ANGPT1: variants seen among roughly 807,000 people sequenced by gnomAD.
The protein encoded by ANGPT1 is angiopoietin-1.
A neutral mutation model predicts 62.2 loss-of-function variants in ANGPT1; 17 were observed. That is an observed-to-expected ratio of 0.27 (90% CI 0.19 to 0.41). The LOEUF (loss-of-function observed/expected upper bound fraction) is 0.41, where lower values mean the gene tolerates loss of function less well. ANGPT1 is among the 10% of genes least tolerant of loss of function. The probability of loss-of-function intolerance (pLI) is 1.00; values close to 1 mark genes in which losing one functional copy is unlikely to be tolerated. For missense variants in ANGPT1, 478 were observed against 594.9 expected (o/e 0.80, Z 2.04); for synonymous variants, 199 against 198.9 (o/e 1.00, Z 0.00).
chr8:107,409,680 T>A (rs1429438470), intron 1 of ANGPT1, among the ~76,000 whole-genome samples: 2 of 152,178 alleles, frequency 1.3e-5, no homozygotes, highest in Middle Eastern at 3.4e-3. Flanking sequence ...TGAACATATA[T>A]TTGCATTTTA....
At chr8:107,460,488 G>A (rs767357602) in intron 1 of ANGPT1, among the ~76,000 whole-genome samples, 8 of 152,134 alleles carry the variant, frequency 5.3e-5, no homozygotes, top group Admixed American at 2.0e-4. Context: ...ATCTGTGCAC[G>A]TATAGATGAG....
At chr8:107,480,704 A>G (rs535296951) in intron 1 of ANGPT1, among the ~76,000 whole-genome samples, 1 of 152,322 alleles carries the variant, frequency 6.6e-6, no homozygotes, top group Non-Finnish European at 1.5e-5. Context: ...TTTCCACTCA[A>G]CTTCATGGGT....
intron 7 of ANGPT1, chr8:107,284,100 T>C (rs918324181): frequency 6.6e-6 from 1 of 152,228 alleles, no homozygotes; most frequent in South Asian, 2.1e-4. Flanking sequence ...GTATAGTTTA[T>C]CTATTTTTAC....
intron 4 of ANGPT1, among the ~76,000 whole-genome samples, chr8:107,313,429 GTTTTTTTTTTTTTTTT>G (rs71308720): frequency 4.7e-5 from 3 of 64,184 alleles, no homozygotes; most frequent in Non-Finnish European, 8.0e-5. Context: ...GTTACTAGTT[GTTTTTTTTTTTTTTTT>G]TTTTTTTTTT....
intron 1 of ANGPT1, among the ~76,000 whole-genome samples, chr8:107,396,934 CTCCTT>C (rs1330638003): frequency 6.6e-6 from 1 of 152,018 alleles, no homozygotes; most frequent in Non-Finnish European, 1.5e-5. Flanking sequence ...TTCAGCAACT[CTCCTT>C]TCTATCTAGT....
chr8:107,277,222 A>G (rs1813887711), intron 7 of ANGPT1, among the ~76,000 whole-genome samples: 1 of 152,180 alleles, frequency 6.6e-6, no homozygotes, highest in African/African-American at 2.4e-5. Context: ...CATAAAAGAC[A>G]ACAAAATAAT....
chr8:107,355,196 C>G (rs558942492), intron 1 of ANGPT1, among the ~76,000 whole-genome samples: 34 of 152,284 alleles, frequency 2.2e-4, no homozygotes, highest in African/African-American at 7.7e-4. Flanking sequence ...GCCACTGTGC[C>G]TCGCCCTCTG....
intron 1 of ANGPT1, 32 bp downstream of exon 1, chr8:107,497,230 C>T (rs936594823): frequency 8.1e-6 from 13 of 1,601,450 alleles, no homozygotes; most frequent in Non-Finnish European, 9.4e-6. Flanking sequence ...GAAAAAGGTC[C>T]GTGCTATTAG....
intron 6 of ANGPT1, among the ~76,000 whole-genome samples, chr8:107,291,790 G>C (rs1315453328): frequency 1.4e-5 from 2 of 147,724 alleles, no homozygotes; most frequent in African/African-American, 5.0e-5. Context: ...TATATTTTTA[G>C]AATCACCTAG....
At chr8:107,268,518 T>C (rs75362516) in intron 7 of ANGPT1, among the ~76,000 whole-genome samples, 252 of 151,692 alleles carry the variant, frequency 1.7e-3, no homozygotes, top group Middle Eastern at 3.4e-3. Flanking sequence ...GACTCCAGAA[T>C]ATAAAAACAT....
chr8:107,337,902 C>T (rs1815604057), intron 2 of ANGPT1, among the ~76,000 whole-genome samples: 1 of 152,020 alleles, frequency 6.6e-6, no homozygotes, highest in African/African-American at 2.4e-5. Flanking sequence ...CAAGGCCAGC[C>T]TGGGTAACAC....
At chr8:107,434,282 G>A (rs952233598) in intron 1 of ANGPT1, among the ~76,000 whole-genome samples, 10 of 152,278 alleles carry the variant, frequency 6.6e-5, no homozygotes, top group South Asian at 2.1e-4. Context: ...TAGGCCGGGC[G>A]GGAAAGTGGG....
chr8:107,401,114 G>C (rs962392754), intron 1 of ANGPT1, among the ~76,000 whole-genome samples: 1 of 152,038 alleles, frequency 6.6e-6, no homozygotes. Flanking sequence ...ATAGCGTTTT[G>C]AGTCCATAGA....
intron 7 of ANGPT1, among the ~76,000 whole-genome samples, chr8:107,267,736 C>T (rs1813647217): frequency 6.6e-6 from 1 of 152,098 alleles, no homozygotes; most frequent in African/African-American, 2.4e-5. Context: ...CTGTGATTTG[C>T]AAGGCCTTTG....
intron 1 of ANGPT1, among the ~76,000 whole-genome samples, chr8:107,440,096 C>A (rs1327612880): frequency 6.6e-6 from 1 of 151,974 alleles, no homozygotes; most frequent in Non-Finnish European, 1.5e-5. Flanking sequence ...AAAGATGTTC[C>A]ATAAACAGAA....
intron 1 of ANGPT1, among the ~76,000 whole-genome samples, chr8:107,467,108 C>T (rs989066181): frequency 4.0e-5 from 6 of 151,858 alleles, no homozygotes; most frequent in African/African-American, 1.5e-4. Context: ...TGCAGATAAG[C>T]AAAGTTGTGA....
chr8:107,311,659 T>G (rs902011439), intron 4 of ANGPT1, among the ~76,000 whole-genome samples: 46 of 152,358 alleles, frequency 3.0e-4, no homozygotes, highest in African/African-American at 1.1e-3. Flanking sequence ...ATATTTGTAC[T>G]GTAGTTTGAT....
intron 1 of ANGPT1, among the ~76,000 whole-genome samples, chr8:107,374,954 G>A (rs1195904078): frequency 6.6e-6 from 1 of 152,160 alleles, no homozygotes; most frequent in Non-Finnish European, 1.5e-5. Flanking sequence ...GAGGTCAGGA[G>A]ATTCAGACCA....
intron 1 of ANGPT1, among the ~76,000 whole-genome samples, chr8:107,402,834 T>C (rs1284621955): frequency 6.6e-6 from 1 of 152,214 alleles, no homozygotes; most frequent in Non-Finnish European, 1.5e-5. Context: ...TTTAAAGTTA[T>C]TCTAATCTTT....
Sources: allele counts gnomAD v4.1 joint callset (sites outside exome capture counted in the v4.1 genomes callset), GRCh38; gene constraint gnomAD v4.1.1; transcripts MANE v1.5; gene names NCBI Gene and HGNC (gene_info 2026-07-23, HGNC 2026-07-21).